Variants in CDKL4 observed in about 807,000 individuals in gnomAD.
The protein encoded by CDKL4 is cyclin dependent kinase like 4.
A neutral mutation model predicts 42.0 loss-of-function variants in CDKL4; 44 were observed. That is an observed-to-expected ratio of 1.05 (90% CI 0.82 to 1.35). The LOEUF is 1.35. CDKL4 is among the 40% of genes most tolerant of loss of function. CDKL4 has a pLI of 0.00. For missense variants in CDKL4, 393 were observed against 369.9 expected, an observed-to-expected ratio of 1.06 and a Z score of -0.51; for synonymous variants, 120 against 121.6, an observed-to-expected ratio of 0.99 and a Z score of 0.09.
Position 39,204,080 on chromosome 2 carries a change from C to T in CDKL4, c.454+447G>A, listed in dbSNP as rs185696490. ...GATTTCCGTTTTCTTAGCACTCTCT[C>T]TGAATCCTCTCTCTTTAATTTTCAG... is the stretch of plus-strand genomic sequence containing the variant. On this transcript the variant is annotated intron_variant, in intron 5 of 9. Coordinates refer to ENST00000451199, the Ensembl canonical transcript of CDKL4. 7.9e-4 allele frequency among the ~76,000 whole-genome samples: 121 copies of T among 152,352 alleles called. 1 individual carries two copies. The highest frequency in any genetic ancestry group is 2.7e-3 in the African/African-American group (111 of 41,586).
intron 5 of CDKL4, among the ~76,000 whole-genome samples, chr2:39,193,356 AATTATT>A (rs79269841): frequency 5.7e-4 from 85 of 148,018 alleles, no homozygotes; most frequent in East Asian, 9.8e-4. Context: ...TCATTTATAA[AATTATT>A]ATTATTATTA....
At chr2:39,228,272 G>T (rs568134799) in intron 2 of CDKL4, among the ~76,000 whole-genome samples, 2 of 152,268 alleles carry the variant, frequency 1.3e-5, no homozygotes, top group South Asian at 4.1e-4. Flanking sequence ...CTAGCTGACC[G>T]GCGCGCCCTC....
chr2:39,171,343 A>T (rs1674995399), downstream of CDKL4, among the ~76,000 whole-genome samples: 1 of 152,122 alleles, frequency 6.6e-6, no homozygotes, highest in Non-Finnish European at 1.5e-5. Context: ...AAAAAAACAA[A>T]CTACTTTCTG....
At chr2:39,228,159 G>A (rs1558581964) in intron 2 of CDKL4, among the ~76,000 whole-genome samples, 1 of 152,148 alleles carries the variant, frequency 6.6e-6, no homozygotes, top group African/African-American at 2.4e-5. Flanking sequence ...TGAAGACTTG[G>A]GACGGAGAGG....
upstream of CDKL4, among the ~76,000 whole-genome samples, chr2:39,244,595 G>A (rs1262180047): frequency 6.6e-6 from 1 of 152,170 alleles, no homozygotes; most frequent in African/African-American, 2.4e-5. Flanking sequence ...GAACCTTCCC[G>A]ACGAGTGCCA....
At chr2:39,229,563 G>A (rs200791245) in exon 2 of CDKL4, 457 of 1,557,652 alleles carry the variant, frequency 2.9e-4, no homozygotes, top group Non-Finnish European at 3.8e-4. Context: ...TTATTGTATC[G>A]ATTGACTTGC....
intron 1 of CDKL4, among the ~76,000 whole-genome samples, chr2:39,232,253 C>T (rs996640410): frequency 6.6e-5 from 10 of 152,104 alleles, no homozygotes; most frequent in African/African-American, 2.4e-4. Context: ...TTTCTGTTTT[C>T]AAAAGCCCTA....
intron 3 of CDKL4, among the ~76,000 whole-genome samples, chr2:39,221,001 G>T (rs3209967): frequency 0.55 from 41,570 of 75,524 alleles, 8,417 homozygotes; most frequent in Non-Finnish European, 0.62. Flanking sequence ...TTTTTTTTTT[G>T]TTTTTTTTTT....
chr2:39,205,902 C>T (rs1452861833), intron 4 of CDKL4, among the ~76,000 whole-genome samples: 1 of 152,112 alleles, frequency 6.6e-6, no homozygotes, highest in African/African-American at 2.4e-5. Context: ...CGAAGCATTC[C>T]GCGCCAGGGG....
At chr2:39,202,006 C>A (rs969216601) in intron 5 of CDKL4, among the ~76,000 whole-genome samples, 1 of 152,018 alleles carries the variant, frequency 6.6e-6, no homozygotes, top group African/African-American at 2.4e-5. Flanking sequence ...CCGAGGCAGG[C>A]AGATGACTTG....
chr2:39,173,218 A>T (rs934091991), downstream of CDKL4, among the ~76,000 whole-genome samples: 1 of 152,222 alleles, frequency 6.6e-6, no homozygotes, highest in Non-Finnish European at 1.5e-5. Flanking sequence ...TAGATACATA[A>T]TATAGAGAGA....
chr2:39,190,003 A>G (rs1676079110), intron 6 of CDKL4, among the ~76,000 whole-genome samples: 1 of 152,154 alleles, frequency 6.6e-6, no homozygotes, highest in East Asian at 1.9e-4. Flanking sequence ...TAGGCAGCTG[A>G]CTCATATCCT....
intron 4 of CDKL4, among the ~76,000 whole-genome samples, chr2:39,211,312 C>G (rs948108099): frequency 5.2e-4 from 79 of 152,050 alleles, no homozygotes; most frequent in Admixed American, 1.1e-3. Flanking sequence ...CACTTGAGCC[C>G]AGGAGTTTGA....
chr2:39,231,412 G>A (rs1341903923), intron 1 of CDKL4, among the ~76,000 whole-genome samples: 2 of 152,112 alleles, frequency 1.3e-5, no homozygotes, highest in African/African-American at 4.8e-5. Context: ...TCTCAATGGT[G>A]AAAGAAATAA....
chr2:39,172,605 G>A (rs1192513303), downstream of CDKL4, among the ~76,000 whole-genome samples: 8 of 151,930 alleles, frequency 5.3e-5, no homozygotes, highest in Non-Finnish European at 8.8e-5. Flanking sequence ...TTTTTGAGAC[G>A]GAGTCTTGCT....
At chr2:39,169,113 T>G in the CDKL4 span, among the ~76,000 whole-genome samples, 1 of 152,206 alleles carries the variant, frequency 6.6e-6, no homozygotes, top group African/African-American at 2.4e-5. Flanking sequence ...TAAAATTTAA[T>G]TATCATTTAC....
exon 10 of CDKL4, chr2:39,175,825 T>C (rs1675140873): frequency 2.6e-5 from 5 of 188,698 alleles, no homozygotes; most frequent in South Asian, 1.3e-4. Flanking sequence ...AAAGATAAAG[T>C]TGGCATGTAA....
At chr2:39,214,591 T>C (rs1268686341) in intron 3 of CDKL4, among the ~76,000 whole-genome samples, 1 of 152,192 alleles carries the variant, frequency 6.6e-6, no homozygotes, top group Non-Finnish European at 1.5e-5. Context: ...GAAGTGGGAT[T>C]TCTGAGACCA....
At chr2:39,200,502 T>C (rs563600910) in intron 5 of CDKL4, among the ~76,000 whole-genome samples, 28 of 151,890 alleles carry the variant, frequency 1.8e-4, no homozygotes, top group Non-Finnish European at 3.5e-4. Context: ...AAAATTCATA[T>C]AGAACCAAAA....
Sources: gnomAD v4.1 joint callset for allele counts (sites outside exome capture counted in the v4.1 genomes callset) on GRCh38, gnomAD v4.1.1 for gene constraint, MANE v1.5 for transcripts, NCBI Gene and HGNC (gene_info 2026-07-23, HGNC 2026-07-21) for gene names.